APBB2: variants seen among roughly 807,000 people sequenced by gnomAD.
APBB2 encodes the protein amyloid beta precursor protein binding family B member 2.
Under a neutral mutation model 82.5 loss-of-function variants are expected in APBB2, and 38 were observed. The observed-to-expected ratio is 0.46, with a 90% CI of 0.36 to 0.60. The LOEUF (loss-of-function observed/expected upper bound fraction) is 0.60. Among genes scored for constraint, APBB2 ranks in the 20% least tolerant of loss-of-function variants. The pLI is 0.00. For missense variants in APBB2, 772 were observed against 972.3 expected (o/e 0.79, Z 2.74); for synonymous variants, 341 against 368.2 (o/e 0.93, Z 0.85).
At position 40,830,555 on chromosome 4, in the gene APBB2, C is replaced by T. The variant is rs1171085494; in HGVS notation, c.1552G>A (p.Asp518Asn). Residue 518 changes from aspartate to asparagine, a missense_variant, in exon 13 of 18, where the codon GAT (aspartate) becomes AAT (asparagine). Physicochemically the swap from Asp to Asn is conservative, Grantham distance 23. Coordinates refer to ENST00000508593, the MANE Select transcript of APBB2 (RefSeq NM_004307.2). ...NGRDFAYVAR[D>N]KDTRILKCHV... ...CATTTCAAAATTCTTGTATCTTTAT[C>T]TCTTGCTACATAAGCAAAATCCCTG... The T allele has an allele frequency of 2.5e-6, 4 of 1,613,668 alleles. No homozygotes were observed. The highest frequency in any genetic ancestry group is 3.4e-6 in the Non-Finnish European group (4 of 1,179,666).
chr4:40,893,517 C>T (rs1772718242), intron 10 of APBB2, 106 bp from the exon 11 acceptor site: 6 of 1,024,026 alleles, frequency 5.9e-6, no homozygotes, highest in Non-Finnish European at 8.2e-6. Context: ...CTTAATGCAC[C>T]TTTATTTGCT....
chr4:41,009,277 T>C (rs528563473), intron 6 of APBB2, among the ~76,000 whole-genome samples: 56 of 141,484 alleles, frequency 4.0e-4, no homozygotes, highest in Non-Finnish European at 6.3e-4. Flanking sequence ...AGTAGCAAGA[T>C]ACAACCTTTC....
intron 7 of APBB2, among the ~76,000 whole-genome samples, chr4:40,936,713 T>C (rs1050593122): frequency 1.6e-4 from 24 of 152,256 alleles, no homozygotes; most frequent in African/African-American, 5.8e-4. Context: ...TAGACCACTA[T>C]ATTTACTTTT....
intron 5 of APBB2, among the ~76,000 whole-genome samples, chr4:41,024,820 T>G (rs1350186044): frequency 2.0e-5 from 3 of 152,220 alleles, no homozygotes; most frequent in Non-Finnish European, 4.4e-5. Context: ...TAGTGAAGGT[T>G]AAGAGATAAG....
intron 12 of APBB2, among the ~76,000 whole-genome samples, chr4:40,831,272 G>A (rs892942458): frequency 6.6e-6 from 1 of 151,990 alleles, no homozygotes; most frequent in Non-Finnish European, 1.5e-5. Context: ...GGTGGCCGGC[G>A]TCTGTAATCC....
chr4:40,930,347 C>G (rs1230702274), intron 10 of APBB2, among the ~76,000 whole-genome samples: 1 of 152,012 alleles, frequency 6.6e-6, no homozygotes. Context: ...AGTACAAAGA[C>G]TTTACTGCAT....
At chr4:41,157,433 A>G (rs1763757428) in intron 1 of APBB2, among the ~76,000 whole-genome samples, 1 of 152,220 alleles carries the variant, frequency 6.6e-6, no homozygotes, top group Admixed American at 6.5e-5. Context: ...AAAGAAGCCC[A>G]ATAATTCACC....
chr4:41,011,726 G>C (rs62412105), intron 6 of APBB2, among the ~76,000 whole-genome samples: 1 of 150,296 alleles, frequency 6.7e-6, no homozygotes, highest in African/African-American at 2.4e-5. Flanking sequence ...CCATCATGCC[G>C]GTCTTAAAAT....
rs11361257 is a variant in APBB2 at position 41,062,347 on chromosome 4, A to AT, written c.-51+3228dup. ...TCAAACACACCCAGCTAATTTTTGT[A>AT]TTTTTTTTTTTAGTAGAAATGGGGC... On this transcript the variant is annotated intron_variant, in intron 4 of 17. Coordinates refer to ENST00000508593, the MANE Select transcript of APBB2 (RefSeq NM_004307.2). Among the ~76,000 whole-genome samples, 13 of 149,008 alleles carry AT rather than the reference A, an allele frequency of 8.7e-5. No homozygotes were observed. The South Asian group carries it at 2.6e-3, about 30-fold the overall frequency.
intron 10 of APBB2, among the ~76,000 whole-genome samples, chr4:40,897,174 G>T (rs1773898331): frequency 6.6e-6 from 1 of 152,142 alleles, no homozygotes. Context: ...GCTAAAATAT[G>T]CAAATCACCC....
At chr4:41,101,533 T>G (rs1363809004) in intron 2 of APBB2, among the ~76,000 whole-genome samples, 2 of 136,026 alleles carry the variant, frequency 1.5e-5, no homozygotes. Flanking sequence ...AGGAAAGTTA[T>G]CAACAACTTT....
intron 6 of APBB2, among the ~76,000 whole-genome samples, chr4:40,947,713 A>G (rs1211255617): frequency 2.6e-5 from 4 of 152,344 alleles, no homozygotes; most frequent in African/African-American, 9.6e-5. Context: ...TAGGTCTACA[A>G]TCATTTATAG....
chr4:41,010,596 A>G (rs925567121), intron 6 of APBB2, among the ~76,000 whole-genome samples: 1 of 152,188 alleles, frequency 6.6e-6, no homozygotes, highest in Non-Finnish European at 1.5e-5. Context: ...TGCCCTCTCC[A>G]CAGGCCCCTA....
At chr4:41,181,024 C>T (rs1459200504) in intron 1 of APBB2, among the ~76,000 whole-genome samples, 1 of 152,102 alleles carries the variant, frequency 6.6e-6, no homozygotes, top group Non-Finnish European at 1.5e-5. Context: ...AGAGCAGGAA[C>T]GTCAGTGATC....
At chr4:40,863,684 G>A (rs978500663) in intron 12 of APBB2, among the ~76,000 whole-genome samples, 1 of 151,816 alleles carries the variant, frequency 6.6e-6, no homozygotes, top group Non-Finnish European at 1.5e-5. Flanking sequence ...TTTGAGGTCA[G>A]GAGTTCGAGG....
At chr4:41,124,993 G>C (rs1753964616) in intron 2 of APBB2, among the ~76,000 whole-genome samples, 1 of 152,206 alleles carries the variant, frequency 6.6e-6, no homozygotes, top group Non-Finnish European at 1.5e-5. Flanking sequence ...CAAATTCCAG[G>C]ATAATGTTTT....
chr4:41,081,853 AC>A (rs775553468), intron 3 of APBB2, among the ~76,000 whole-genome samples: 9 of 152,256 alleles, frequency 5.9e-5, no homozygotes, highest in East Asian at 5.8e-4. Flanking sequence ...TCAATGAAGT[AC>A]TAAGGAAAGT....
intron 10 of APBB2, among the ~76,000 whole-genome samples, chr4:40,926,932 G>T (rs73244004): frequency 6.6e-6 from 1 of 152,204 alleles, no homozygotes; most frequent in Non-Finnish European, 1.5e-5. Context: ...GTGCCTGGCA[G>T]AGGGGAGGGC....
chr4:40,962,527 C>G (rs879590835), intron 6 of APBB2, among the ~76,000 whole-genome samples: 3 of 152,026 alleles, frequency 2.0e-5, no homozygotes, highest in Non-Finnish European at 4.4e-5. Context: ...AAAGACCAGA[C>G]TTCTTGTTCT....
Sources: gnomAD v4.1 joint callset for allele counts (sites outside exome capture counted in the v4.1 genomes callset) on GRCh38, gnomAD v4.1.1 for gene constraint, MANE v1.5 for transcripts, NCBI Gene and HGNC (gene_info 2026-07-23, HGNC 2026-07-21) for gene names.